The following CFAP70 variants were observed in gnomAD, a reference collection of about 807,000 sequenced individuals.
CFAP70 encodes cilia and flagella associated protein 70, also known as cilia- and flagella-associated protein 70.
In CFAP70, 81 loss-of-function variants were observed where a neutral mutation model predicts 137.6. The observed-to-expected ratio is 0.59, with a 90% CI of 0.49 to 0.71. The LOEUF (loss-of-function observed/expected upper bound fraction) is 0.71, where lower values mean the gene tolerates loss of function less well. Among genes scored for constraint, CFAP70 ranks in the 30% least tolerant of loss-of-function variants. The pLI is 0.00. For missense variants in CFAP70, 976 were observed against 1,226.7 expected (o/e 0.80, Z 3.05); for synonymous variants, 382 against 423.6 (o/e 0.90, Z 1.20).
At chr10:73,295,045 G>A (rs112008980) in intron 15 of CFAP70, 6,328 of 152,260 alleles carry the variant, frequency 0.042, 404 homozygotes, top group African/African-American at 0.14. Flanking sequence ...GGCCAGGAGC[G>A]GGTGGCTCAT....
intron 11 of CFAP70, among the ~76,000 whole-genome samples, chr10:73,311,619 A>C (rs1185791878): frequency 6.6e-6 from 1 of 152,230 alleles, no homozygotes; most frequent in African/African-American, 2.4e-5. Context: ...ATAATATTTT[A>C]ATGCTGGAAA....
chr10:73,311,948 T>C (rs1354095157), intron 10 of CFAP70, 34 bp from the exon 12 acceptor site: 1 of 1,492,050 alleles, frequency 6.7e-7, no homozygotes, highest in South Asian at 1.1e-5. Context: ...AAAAATTGAA[T>C]TCCTACACAG....
In CFAP70 at chr10:73,297,247, T is replaced by C. The variant is rs1589391704; in HGVS notation, c.1513-74A>G. 4 of 1,471,238 alleles carry C rather than the reference T, an allele frequency of 2.7e-6. No individual in the cohort carries two copies. In the East Asian group the frequency reaches 9.5e-5, roughly 35 times the overall value. The allele number at this position is 1,471,238 out of a possible 1,614,324, so 91.1% of individuals were successfully genotyped here. A position where few individuals can be genotyped will look rare whatever the true frequency, so the allele number is the denominator to read the frequency against. On this transcript the variant is annotated intron_variant, in intron 14 of 26. Transcript: ENST00000310715. Reference sequence around the variant, plus strand: ...CTGAGAGCACGGGTCTCTCTAGGGCTTTCTGGTCTAAAGCTGATCAAAATT... The same window carrying C: ...CTGAGAGCACGGGTCTCTCTAGGGCCTTCTGGTCTAAAGCTGATCAAAATT...
At chr10:73,266,184 C>G (rs1457871914) in intron 25 of CFAP70, among the ~76,000 whole-genome samples, 1 of 151,930 alleles carries the variant, frequency 6.6e-6, no homozygotes, top group Non-Finnish European at 1.5e-5. Context: ...GATTTTTATC[C>G]AGCAACTTTG....
chr10:73,302,408 C>T (rs1419388265), intron 12 of CFAP70, among the ~76,000 whole-genome samples: 1 of 152,120 alleles, frequency 6.6e-6, no homozygotes, highest in African/African-American at 2.4e-5. Flanking sequence ...CAAGAACACA[C>T]CACTGGATTT....
exon 27 of CFAP70, chr10:73,253,986 G>T (rs564953754): frequency 7.5e-6 from 12 of 1,604,212 alleles, no homozygotes; most frequent in Non-Finnish European, 1.0e-5. Context: ...CAGAAAGATG[G>T]ATTTCCAAAG....
At chr10:73,285,324 C>T (rs1313254381) in intron 19 of CFAP70, among the ~76,000 whole-genome samples, 3 of 151,974 alleles carry the variant, frequency 2.0e-5, no homozygotes, top group Non-Finnish European at 2.9e-5. Context: ...GAAAATCTCA[C>T]TAAAATGAGA....
chr10:73,325,563 C>T, intron 8 of CFAP70, among the ~76,000 whole-genome samples: 1 of 152,042 alleles, frequency 6.6e-6, no homozygotes, highest in East Asian at 1.9e-4. Context: ...AGAGTCAAGA[C>T]CCATCAGTGT....
In CFAP70 at chr10:73,348,534, A is replaced by C. The variant is rs747628608; in HGVS notation, c.251-13T>G. 6 of 1,482,992 alleles carry C rather than the reference A, an allele frequency of 4.0e-6. No homozygotes were observed. The highest frequency in any genetic ancestry group is 5.4e-6 in the Non-Finnish European group (6 of 1,105,220). The allele number at this position is 1,482,992 out of a possible 1,614,324, so 91.9% of individuals were successfully genotyped here. ...TCAGTCACAGTTACTAGAAAAATCA[A>C]AACAAAGAAAATGAGACATTTAAAA... On this transcript the variant is annotated splice_polypyrimidine_tract_variant and intron_variant, in intron 3 of 26. Coordinates refer to ENST00000310715, the Ensembl canonical transcript of CFAP70.
intron 25 of CFAP70, among the ~76,000 whole-genome samples, chr10:73,266,054 A>G (rs2045731239): frequency 6.6e-6 from 1 of 152,062 alleles, no homozygotes; most frequent in African/African-American, 2.4e-5. Context: ...ATATCTTTCT[A>G]TTAGATTTTC....
intron 9 of CFAP70, 106 bp downstream of exon 10, chr10:73,322,857 A>G (rs983591003): frequency 3.2e-6 from 3 of 940,050 alleles, no homozygotes; most frequent in Non-Finnish European, 4.6e-6. Context: ...CTAGTATACC[A>G]ACTGGTTCTA....
At chr10:73,312,040 G>A (rs542411684) in intron 10 of CFAP70, 126 bp from the exon 12 acceptor site, 6 of 726,182 alleles carry the variant, frequency 8.3e-6, no homozygotes, top group South Asian at 1.7e-5. Flanking sequence ...ATGAGTTTGT[G>A]TCCTTTGCAG....
At chr10:73,294,739 AATAGAAATC>A (rs1237783168) in intron 15 of CFAP70, 2 of 152,242 alleles carry the variant, frequency 1.3e-5, no homozygotes, top group African/African-American at 4.8e-5. Flanking sequence ...TCACAGAGAT[AATAGAAATC>A]ATTAAGTAAG....
intron 8 of CFAP70, among the ~76,000 whole-genome samples, chr10:73,330,245 T>A (rs1589513173): frequency 6.6e-6 from 1 of 151,452 alleles, no homozygotes; most frequent in Non-Finnish European, 1.5e-5. Flanking sequence ...AGGTCAGGAG[T>A]TCGAGACCAG....
At chr10:73,345,282 G>A in intron 4 of CFAP70, 38 bp from the exon 6 acceptor site, 1 of 1,567,212 alleles carries the variant, frequency 6.4e-7, no homozygotes, top group Non-Finnish European at 8.8e-7. Context: ...TTTGAAAATT[G>A]CCAGAGATCT....
chr10:73,324,007 A>C (rs1445086440), intron 8 of CFAP70, among the ~76,000 whole-genome samples: 2 of 152,162 alleles, frequency 1.3e-5, no homozygotes, highest in Non-Finnish European at 2.9e-5. Flanking sequence ...GCAGCTGGAG[A>C]TCTGAGAACG....
At chr10:73,354,596 C>G in intron 2 of CFAP70, 138 bp downstream of exon 2, 1 of 702,628 alleles carries the variant, frequency 1.4e-6, no homozygotes, top group South Asian at 1.5e-5. Context: ...TTAAGACTAA[C>G]AATAAGGAAC....
chr10:73,313,214 T>C (rs1240604159), intron 9 of CFAP70, among the ~76,000 whole-genome samples: 1 of 151,402 alleles, frequency 6.6e-6, no homozygotes, highest in Non-Finnish European at 1.5e-5. Flanking sequence ...CTACTAAAAA[T>C]ACAAAAAATT....
chr10:73,355,811 T>A (rs1405145667), intron 1 of CFAP70, among the ~76,000 whole-genome samples: 1 of 152,142 alleles, frequency 6.6e-6, no homozygotes, highest in Non-Finnish European at 1.5e-5. Context: ...TACCGTGTAA[T>A]ACTAATAGAA....
Sources: gnomAD v4.1 joint callset for allele counts (sites outside exome capture counted in the v4.1 genomes callset) on GRCh38, gnomAD v4.1.1 for gene constraint, MANE v1.5 for transcripts, NCBI Gene and HGNC (gene_info 2026-07-23, HGNC 2026-07-21) for gene names.